The following CDH18 variants were observed in gnomAD, a reference collection of about 807,000 sequenced individuals.
CDH18 encodes the protein cadherin-18.
A neutral mutation model predicts 67.9 loss-of-function variants in CDH18; 31 were observed. The observed-to-expected ratio is 0.46, with a 90% confidence interval of 0.34 to 0.62. CDH18 has a LOEUF of 0.62. CDH18 is among the 20% of genes least tolerant of loss of function. The pLI is 0.01. For missense variants in CDH18, 890 were observed against 975.5 expected, an observed-to-expected ratio of 0.91 and a Z score of 1.17; for synonymous variants, 362 against 347.2, an observed-to-expected ratio of 1.04 and a Z score of -0.48.
intron 1 of CDH18, among the ~76,000 whole-genome samples, chr5:20,453,325 T>G (rs547303683): frequency 6.6e-6 from 1 of 152,322 alleles, no homozygotes; most frequent in Non-Finnish European, 1.5e-5. Context: ...TATGAGCATT[T>G]TAATTTGACT....
intron 2 of CDH18, among the ~76,000 whole-genome samples, chr5:20,030,274 G>GT (rs1418831422): frequency 6.6e-6 from 1 of 152,138 alleles, no homozygotes; most frequent in Non-Finnish European, 1.5e-5. Context: ...ATCTCAGTGT[G>GT]TGTCATATTT....
intron 2 of CDH18, among the ~76,000 whole-genome samples, chr5:19,975,642 G>A (rs1242396222): frequency 6.6e-6 from 1 of 152,128 alleles, no homozygotes; most frequent in African/African-American, 2.4e-5. Context: ...ATAAATTAGA[G>A]ATATAAACAC....
chr5:19,710,789 C>G (rs1764609740), intron 5 of CDH18, among the ~76,000 whole-genome samples: 2 of 151,994 alleles, frequency 1.3e-5, no homozygotes, highest in Admixed American at 6.6e-5. Flanking sequence ...ATAATGTAGG[C>G]CTTCAATAAA....
At chr5:20,398,860 G>A (rs1745514300) in intron 1 of CDH18, among the ~76,000 whole-genome samples, 1 of 147,170 alleles carries the variant, frequency 6.8e-6, no homozygotes, top group African/African-American at 2.5e-5. Flanking sequence ...AAACCACCAC[G>A]GCACACGTAT....
At chr5:20,240,195 A>T (rs1742790377) in intron 2 of CDH18, among the ~76,000 whole-genome samples, 1 of 152,062 alleles carries the variant, frequency 6.6e-6, no homozygotes, top group African/African-American at 2.4e-5. Context: ...TACTAATGCT[A>T]AAGGAAAACA....
At chr5:19,886,540 C>G (rs1172320841) in intron 2 of CDH18, among the ~76,000 whole-genome samples, 1 of 152,146 alleles carries the variant, frequency 6.6e-6, no homozygotes, top group Non-Finnish European at 1.5e-5. Context: ...TAGGATGTTC[C>G]TGAGATTTGC....
At chr5:20,471,738 G>T (rs916582020) in intron 1 of CDH18, among the ~76,000 whole-genome samples, 8 of 147,640 alleles carry the variant, frequency 5.4e-5, no homozygotes, top group African/African-American at 2.0e-4. Context: ...GGAGGCGGAG[G>T]TTGCAGTGAG....
chr5:20,432,690 T>C (rs1560996604), intron 1 of CDH18, among the ~76,000 whole-genome samples: 1 of 152,152 alleles, frequency 6.6e-6, no homozygotes, highest in East Asian at 1.9e-4. Flanking sequence ...TATCTTTATC[T>C]ACTCTGCTTT....
chr5:20,526,898 A>T (rs887319199), intron 1 of CDH18, among the ~76,000 whole-genome samples: 6 of 152,062 alleles, frequency 3.9e-5, no homozygotes, highest in Non-Finnish European at 8.8e-5. Context: ...CTCTCCAGCA[A>T]GGGCACAGAA....
intron 8 of CDH18, among the ~76,000 whole-genome samples, chr5:19,570,208 T>A (rs1741156172): frequency 6.6e-6 from 1 of 152,114 alleles, no homozygotes; most frequent in Admixed American, 6.6e-5. Context: ...CAAAACGGGC[T>A]TTCCTTTGGT....
chr5:19,963,061 C>A (rs1412570934), intron 2 of CDH18, among the ~76,000 whole-genome samples: 1 of 151,984 alleles, frequency 6.6e-6, no homozygotes, highest in Non-Finnish European at 1.5e-5. Context: ...AACAAGAGAT[C>A]TGACAAGAAA....
upstream of CDH18, among the ~76,000 whole-genome samples, chr5:19,990,894 T>A (rs1799946695): frequency 6.6e-6 from 1 of 152,110 alleles, no homozygotes; most frequent in South Asian, 2.1e-4. Context: ...TAAGATTACT[T>A]CAAAAAAGTG....
intron 5 of CDH18, among the ~76,000 whole-genome samples, chr5:19,700,164 C>T (rs372890328): frequency 1.3e-5 from 2 of 152,056 alleles, no homozygotes; most frequent in East Asian, 1.9e-4. Context: ...TGAGTGAATA[C>T]AATTCTGTAC....
At chr5:20,292,123 A>T (rs1057055525) in intron 1 of CDH18, among the ~76,000 whole-genome samples, 45 of 152,220 alleles carry the variant, frequency 3.0e-4, no homozygotes, top group African/African-American at 1.1e-3. Context: ...ATGCAATGTA[A>T]GAATGATATT....
At chr5:20,188,410 T>C (rs1738269347) in intron 2 of CDH18, among the ~76,000 whole-genome samples, 1 of 152,002 alleles carries the variant, frequency 6.6e-6, no homozygotes, top group African/African-American at 2.4e-5. Context: ...GAATCTACAT[T>C]TATCCATACC....
At chr5:20,460,857 C>G (rs1222411860) in intron 1 of CDH18, among the ~76,000 whole-genome samples, 1 of 152,146 alleles carries the variant, frequency 6.6e-6, no homozygotes, top group African/African-American at 2.4e-5. Context: ...CCAGATTTAT[C>G]AAACTTGTCT....
At chr5:19,852,914 C>T (rs1581651332) in intron 2 of CDH18, among the ~76,000 whole-genome samples, 2 of 146,258 alleles carry the variant, frequency 1.4e-5, no homozygotes, top group Non-Finnish European at 3.1e-5. Context: ...TGGAATTATC[C>T]CAGAAACATC....
intron 4 of CDH18, among the ~76,000 whole-genome samples, chr5:19,741,169 A>C (rs889911255): frequency 6.8e-6 from 1 of 146,404 alleles, no homozygotes; most frequent in African/African-American, 2.5e-5. Flanking sequence ...ATCTATGTAT[A>C]TATGTATATA....
At chr5:19,908,999 T>A (rs1316098895) in intron 2 of CDH18, among the ~76,000 whole-genome samples, 4 of 152,206 alleles carry the variant, frequency 2.6e-5, no homozygotes, top group African/African-American at 9.6e-5. Context: ...GGACCAGCCA[T>A]ATAAGCTCTA....
Sources: gnomAD v4.1 joint callset for allele counts (sites outside exome capture counted in the v4.1 genomes callset) on GRCh38, gnomAD v4.1.1 for gene constraint, MANE v1.5 for transcripts, NCBI Gene and HGNC (gene_info 2026-07-23, HGNC 2026-07-21) for gene names.